Variants in CRPPA observed in about 807,000 individuals in gnomAD.
CRPPA encodes the protein D-ribitol-5-phosphate cytidylyltransferase.
CRPPA carries 43 observed loss-of-function variants against 52.0 expected under a neutral mutation model. The observed-to-expected ratio is 0.83, with a 90% confidence interval of 0.65 to 1.07. The LOEUF is 1.07. Ranked by LOEUF, CRPPA falls within the 50% of genes least tolerant of loss-of-function variation. CRPPA has a pLI of 0.00. For missense variants in CRPPA, 629 were observed against 551.7 expected (o/e 1.14, Z -1.40); for synonymous variants, 250 against 203.5 (o/e 1.23, Z -1.94).
chr7:16,315,669 T>G (rs1195484523), intron 3 of CRPPA, among the ~76,000 whole-genome samples: 2 of 152,148 alleles, frequency 1.3e-5, no homozygotes, highest in Non-Finnish European at 2.9e-5. Flanking sequence ...AAGATTTTTC[T>G]CCAGTACCCA....
intron 6 of CRPPA, 85 bp downstream of exon 6, chr7:16,278,044 T>C (rs986627949): frequency 2.8e-6 from 2 of 721,910 alleles, no homozygotes; most frequent in East Asian, 5.4e-5. Context: ...GGGATTTTTA[T>C]GGGTTTTTTT....
intron 9 of CRPPA, among the ~76,000 whole-genome samples, chr7:16,151,488 C>G (rs1465473016): frequency 1.3e-5 from 2 of 151,876 alleles, no homozygotes; most frequent in African/African-American, 4.8e-5. Context: ...CTGTTCCTTG[C>G]TACAATCAGA....
rs1338796695 is a variant in CRPPA, at chr7:16,380,938, C to T, written c.535-4697G>A. ...CAATTTTGTTGATCCTTTCAAAAAA[C>T]CAGCTCCTGGATTCATTAATTTTTT... On this transcript the variant is annotated intron_variant, in intron 2 of 9. Transcript: ENST00000407010. Among the ~76,000 whole-genome samples, 11 of 151,918 alleles carry T rather than the reference C, an allele frequency of 7.2e-5. No individual in the cohort carries two copies. The South Asian group carries it at 1.0e-3, about 14-fold the overall frequency.
At chr7:16,144,072 C>G (rs1782925239) in intron 9 of CRPPA, among the ~76,000 whole-genome samples, 1 of 152,102 alleles carries the variant, frequency 6.6e-6, no homozygotes, top group Non-Finnish European at 1.5e-5. Context: ...TCTAGTGGAG[C>G]CAAAGACCCA....
At chr7:16,416,298 G>C (rs975988083) in intron 1 of CRPPA, among the ~76,000 whole-genome samples, 2 of 152,206 alleles carry the variant, frequency 1.3e-5, no homozygotes, top group African/African-American at 4.8e-5. Context: ...AATGTTGGTA[G>C]GATAGCTGGC....
At chr7:16,235,634 G>T (rs1782928939) in intron 8 of CRPPA, among the ~76,000 whole-genome samples, 1 of 151,990 alleles carries the variant, frequency 6.6e-6, no homozygotes, top group South Asian at 2.1e-4. Context: ...TTTACTATCT[G>T]TTTCTTTACA....
chr7:16,161,686 T>C (rs905664103), intron 9 of CRPPA, among the ~76,000 whole-genome samples: 10 of 152,172 alleles, frequency 6.6e-5, no homozygotes, highest in African/African-American at 2.4e-4. Flanking sequence ...AGTATCAAGA[T>C]GATGCTGGAC....
intron 6 of CRPPA, among the ~76,000 whole-genome samples, chr7:16,272,723 T>C (rs1784117222): frequency 1.3e-5 from 2 of 152,178 alleles, no homozygotes; most frequent in African/African-American, 4.8e-5. Flanking sequence ...TATTAGCCCT[T>C]TGTCAAACTT....
intron 3 of CRPPA, among the ~76,000 whole-genome samples, chr7:16,360,760 C>G (rs1583547719): frequency 6.6e-6 from 1 of 152,032 alleles, no homozygotes; most frequent in South Asian, 2.1e-4. Context: ...TAAGTTAAAG[C>G]AAGAATTATA....
chr7:16,143,341 C>T (rs1527196), intron 9 of CRPPA, among the ~76,000 whole-genome samples: 17,049 of 152,176 alleles, frequency 0.11, 1,068 homozygotes, highest in East Asian at 0.14. Context: ...AAAAAACTTA[C>T]CTTTGGCACA....
At chr7:16,260,767 G>C (rs1049577347) in intron 6 of CRPPA, among the ~76,000 whole-genome samples, 2 of 151,932 alleles carry the variant, frequency 1.3e-5, no homozygotes, top group Admixed American at 1.3e-4. Flanking sequence ...TGCATGTAGA[G>C]AATGAAAACA....
chr7:16,206,489 G>T (rs1185356843), intron 9 of CRPPA, among the ~76,000 whole-genome samples: 1 of 151,926 alleles, frequency 6.6e-6, no homozygotes, highest in Non-Finnish European at 1.5e-5. Context: ...TGAAAGATTT[G>T]TCTGTACATA....
At chr7:16,401,361 T>C (rs1016646135) in intron 2 of CRPPA, among the ~76,000 whole-genome samples, 1 of 152,168 alleles carries the variant, frequency 6.6e-6, no homozygotes, top group African/African-American at 2.4e-5. Context: ...TCACAGGTGA[T>C]TTTGGAAAGA....
chr7:16,243,311 C>A (rs1316223087), intron 8 of CRPPA, among the ~76,000 whole-genome samples: 1 of 152,114 alleles, frequency 6.6e-6, no homozygotes, highest in Non-Finnish European at 1.5e-5. Context: ...AGAATTAAAC[C>A]TCCTTTGTTT....
chr7:16,405,847 C>T (rs568503301), intron 2 of CRPPA, among the ~76,000 whole-genome samples: 29 of 152,176 alleles, frequency 1.9e-4, no homozygotes, highest in African/African-American at 6.7e-4. Context: ...CTCCAAATAC[C>T]TCATATCACA....
intron 3 of CRPPA, among the ~76,000 whole-genome samples, 196 bp from the exon 4 acceptor site, chr7:16,308,823 T>A (rs1784973587): frequency 6.6e-6 from 1 of 152,192 alleles, no homozygotes; most frequent in African/African-American, 2.4e-5. Flanking sequence ...AACCATCACG[T>A]GAAGCAAAAC....
At chr7:16,198,738 A>G (rs1300722128) in intron 9 of CRPPA, among the ~76,000 whole-genome samples, 1 of 150,302 alleles carries the variant, frequency 6.7e-6, no homozygotes, top group African/African-American at 2.5e-5. Flanking sequence ...TTTTTTTTTA[A>G]GAAACGGTTT....
chr7:16,204,282 A>C (rs1781919943), intron 9 of CRPPA, among the ~76,000 whole-genome samples: 1 of 152,218 alleles, frequency 6.6e-6, no homozygotes, highest in Admixed American at 6.6e-5. Context: ...AATCAAATTA[A>C]TATCCAAACA....
At chr7:16,396,495 C>T (rs150731299) in intron 2 of CRPPA, among the ~76,000 whole-genome samples, 6 of 152,302 alleles carry the variant, frequency 3.9e-5, no homozygotes, top group African/African-American at 1.4e-4. Flanking sequence ...ACAACCACTA[C>T]AGAAAACAGT....
Sources: allele counts gnomAD v4.1 joint callset (sites outside exome capture counted in the v4.1 genomes callset), GRCh38; gene constraint gnomAD v4.1.1; transcripts MANE v1.5; gene names NCBI Gene and HGNC (gene_info 2026-07-23, HGNC 2026-07-21).